DCAF7: variants seen among roughly 807,000 people sequenced by gnomAD.
DCAF7 encodes the protein DDB1- and CUL4-associated factor 7.
DCAF7 carries 4 observed loss-of-function variants against 41.2 expected under a neutral mutation model. The ratio of observed to expected loss-of-function variants is 0.10; its 90% CI spans 0.05 to 0.22. The LOEUF (loss-of-function observed/expected upper bound fraction) is 0.22. Among genes scored for constraint, DCAF7 ranks in the 10% least tolerant of loss-of-function variants. The pLI, the probability that DCAF7 is intolerant of heterozygous loss-of-function variation, is 1.00. For synonymous variants in DCAF7, 143 were observed against 164.2 expected (o/e 0.87, Z 0.99); for missense variants, 131 against 443.2 (o/e 0.30, Z 6.32).
rs2033733833 is a variant in DCAF7, at chr17:63,591,559, A to C, written c.*2387A>C. The C allele has an allele frequency of 2.6e-5, 4 of 152,078 alleles. No individual in the cohort carries two copies. The allele number at this position is 152,078 out of a possible 1,614,324, so 9.4% of individuals were successfully genotyped here. A position where few individuals can be genotyped will look rare whatever the true frequency, so the allele number is the denominator to read the frequency against. ...GCAAGCACACACATACTCACAGTTG[A>C]TGAGTTGCTGGTCTTTGAGTCCCAG... On this transcript the variant is annotated 3_prime_UTR_variant, in exon 7 of 7. Transcript: ENST00000614556.
intron 4 of DCAF7, among the ~76,000 whole-genome samples, chr17:63,580,818 G>A (rs1004303430): frequency 1.3e-5 from 2 of 152,156 alleles, no homozygotes; most frequent in East Asian, 1.9e-4. Flanking sequence ...CACTGCGCCC[G>A]GCCAATTGCA....
rs575934751 is a variant in DCAF7, at chr17:63,580,814, G to A, written c.528+871G>A. On this transcript the variant is annotated intron_variant, in intron 4 of 6. Transcript: ENST00000614556. ...TGGGATTACAGGCGTGAGCCACTGCGCCCGGCCAATTGCATTTTAATCAAA... is the reference window on the plus strand; with the variant it reads ...TGGGATTACAGGCGTGAGCCACTGCACCCGGCCAATTGCATTTTAATCAAA... 1.1e-4 allele frequency among the ~76,000 whole-genome samples: 16 copies of A among 152,122 alleles called. No homozygotes were observed. In the South Asian group the frequency reaches 2.5e-3, roughly 24 times the overall value.
Position 63,593,414 on chromosome 17 carries a change from G to A in DCAF7, c.*4242G>A. On this transcript the variant is annotated 3_prime_UTR_variant, in exon 7 of 7. Transcript: ENST00000614556. ...GGTCCTCTCAGGCTACTTTCTGGAT[G>A]TCATTTTTAAAATATGGAAACATGC... 1 of 152,672 alleles carries A rather than the reference G, an allele frequency of 6.5e-6. No homozygotes were observed. Among genetic ancestry groups the A allele is most frequent in the East Asian group, 1.9e-4 (1 of 5,202 alleles). The allele number at this position is 152,672 out of a possible 1,614,324, so 9.5% of individuals were successfully genotyped here.
intron 1 of DCAF7, among the ~76,000 whole-genome samples, chr17:63,553,445 GAAGT>G (rs1325319676): frequency 6.6e-6 from 1 of 152,236 alleles, no homozygotes; most frequent in Non-Finnish European, 1.5e-5. Context: ...CTGCGAGAGA[GAAGT>G]ATGTGTAGTG....
intron 1 of DCAF7, among the ~76,000 whole-genome samples, chr17:63,571,556 G>T (rs1452583890): frequency 6.6e-6 from 1 of 151,972 alleles, no homozygotes; most frequent in Non-Finnish European, 1.5e-5. Flanking sequence ...TTTTTATAAA[G>T]AAGAAGTTTT....
At chr17:63,572,911 C>T (rs778096398) in intron 1 of DCAF7, among the ~76,000 whole-genome samples, 31 of 152,116 alleles carry the variant, frequency 2.0e-4, no homozygotes, top group Non-Finnish European at 3.5e-4. Flanking sequence ...TACAGGCATG[C>T]GCTACCACAC....
chr17:63,589,907 T>A lies in DCAF7; in HGVS notation c.*735T>A, dbSNP rs1039940389. 5 of 153,006 alleles carry A rather than the reference T, an allele frequency of 3.3e-5. No homozygotes were observed. The highest frequency in any genetic ancestry group is 1.2e-4 in the African/African-American group (5 of 41,448). The allele number at this position is 153,006 out of a possible 1,614,324, so 9.5% of individuals were successfully genotyped here. A position where few individuals can be genotyped will look rare whatever the true frequency, so the allele number is the denominator to read the frequency against. Reference sequence around the variant, plus strand: ...ATCACACCTTTCTTAGCCTGGCTCCTCTCAAGGGCATTCTGGGCTTGTAAA... The same window carrying A: ...ATCACACCTTTCTTAGCCTGGCTCCACTCAAGGGCATTCTGGGCTTGTAAA... On this transcript the variant is annotated 3_prime_UTR_variant, in exon 7 of 7. Coordinates refer to ENST00000614556, the MANE Select transcript of DCAF7 (RefSeq NM_005828.5).
At position 63,589,816 on chromosome 17, in the gene DCAF7, C is replaced by G. The variant is rs992637815; in HGVS notation, c.*644C>G. On this transcript the variant is annotated 3_prime_UTR_variant, in exon 7 of 7. Coordinates refer to ENST00000614556, the MANE Select transcript of DCAF7 (RefSeq NM_005828.5). ...ATGAGCAGTTTGCCTTCTTGAGTCACTGCCTGTGTAGTACATACCTGACCG... is the reference window on the plus strand; with the variant it reads ...ATGAGCAGTTTGCCTTCTTGAGTCAGTGCCTGTGTAGTACATACCTGACCG... 6.1e-6 allele frequency: 1 copy of G among 164,230 alleles called. No individual in the cohort carries two copies. Among genetic ancestry groups the G allele is most frequent in the Non-Finnish European group, 1.3e-5 (1 of 75,282 alleles). The allele number at this position is 164,230 out of a possible 1,614,324, so 10.2% of individuals were successfully genotyped here.
rs778766031 is a variant in DCAF7 at position 63,579,878 on chromosome 17, G to A, written c.463G>A (p.Val155Met). The A allele has an allele frequency of 1.2e-6, 2 of 1,613,966 alleles. No homozygotes were observed. The highest frequency in any genetic ancestry group is 1.7e-6 in the Non-Finnish European group (2 of 1,179,862). ...CTIWGLETGQ[V>M]LGRVNLVSGH... ...CATCTGGGGGCTGGAGACAGGGCAGGTGTTAGGGCGAGTGAATCTCGTGTC... is the reference window on the plus strand; with the variant it reads ...CATCTGGGGGCTGGAGACAGGGCAGATGTTAGGGCGAGTGAATCTCGTGTC... Residue 155 changes from valine to methionine, a missense_variant, in exon 4 of 7, where the codon GTG becomes ATG. Physicochemically the swap from Val to Met is conservative, Grantham distance 21 (BLOSUM62 1). Transcript: ENST00000614556.
chr17:63,589,197 G>A lies in DCAF7; in HGVS notation c.*25G>A, dbSNP rs770993671. ...GTGTTGGTGGCGCTGTGCCCACGAG[G>A]CAGGGGCTTTTGTATTTCCTGCCTC... is the stretch of plus-strand genomic sequence containing the variant. On this transcript the variant is annotated 3_prime_UTR_variant, in exon 7 of 7. Transcript: ENST00000614556. The A allele has an allele frequency of 6.2e-7, 1 of 1,610,440 alleles. No homozygotes were observed. Among genetic ancestry groups the A allele is most frequent in the Non-Finnish European group, 8.5e-7 (1 of 1,178,964 alleles).
intron 1 of DCAF7, among the ~76,000 whole-genome samples, chr17:63,563,953 T>TGTCC (rs1333395292): frequency 6.6e-6 from 1 of 152,184 alleles, no homozygotes; most frequent in East Asian, 1.9e-4. Flanking sequence ...CTCTGAGGGA[T>TGTCC]GTCCATTATT....
At chr17:63,588,189 A>AATTTTTTTTTTTTTTTTTTT (rs2033697418) in intron 6 of DCAF7, among the ~76,000 whole-genome samples, 1 of 120,262 alleles carries the variant, frequency 8.3e-6, no homozygotes, top group African/African-American at 3.9e-5. Context: ...ATTTTCTTGG[A>AATTTTTTTTTTTTTTTTTTT]TTTTTTTTTT....
At position 63,579,810 on chromosome 17, in the gene DCAF7, A is replaced by C; in HGVS notation, c.410-15A>C. 6.2e-7 allele frequency: 1 copy of C among 1,609,036 alleles called. No homozygotes were observed. Among genetic ancestry groups the C allele is most frequent in the Non-Finnish European group, 8.5e-7 (1 of 1,175,670 alleles). ...CTTGGTCCCGTCAGCCCTGACTTGC[A>C]CTGGTTGTTTGCAGGTACCTCAAGC... is the stretch of plus-strand genomic sequence containing the variant. On this transcript the variant is annotated splice_polypyrimidine_tract_variant and intron_variant, in intron 3 of 6. Transcript: ENST00000614556.
At chr17:63,565,867 T>C in intron 1 of DCAF7, among the ~76,000 whole-genome samples, 1 of 152,062 alleles carries the variant, frequency 6.6e-6, no homozygotes, top group East Asian at 1.9e-4. Context: ...TTGGAAGGCC[T>C]AGGTAGGCAA....
Position 63,550,597 on chromosome 17 carries a change from G to C in DCAF7, c.-81G>C. 6.4e-7 allele frequency: 1 copy of C among 1,573,576 alleles called. No individual in the cohort carries two copies. Among genetic ancestry groups the C allele is most frequent in the Non-Finnish European group, 8.6e-7 (1 of 1,158,382 alleles). On this transcript the variant is annotated 5_prime_UTR_variant, in exon 1 of 7. Coordinates refer to ENST00000614556, the MANE Select transcript of DCAF7 (RefSeq NM_005828.5). This position sits in a 1 kb window ranked among gnomAD's most constrained non-coding sequence, Gnocchi z 4.8. Reference sequence around the variant, plus strand: ...GCCCGCCCCCTCCTCTCCTCCCTTCGGACCCATAGATCTCAGGCTCGGCTC... The same window carrying C: ...GCCCGCCCCCTCCTCTCCTCCCTTCCGACCCATAGATCTCAGGCTCGGCTC...
intron 4 of DCAF7, among the ~76,000 whole-genome samples, chr17:63,580,417 T>C (rs894712277): frequency 6.6e-6 from 1 of 151,916 alleles, no homozygotes; most frequent in Non-Finnish European, 1.5e-5. Context: ...CTTTCATTAC[T>C]GTTGGCAGTG....
chr17:63,563,920 A>T (rs1262180396), intron 1 of DCAF7, among the ~76,000 whole-genome samples: 1 of 152,206 alleles, frequency 6.6e-6, no homozygotes, highest in Non-Finnish European at 1.5e-5. Context: ...TAGATTAAAA[A>T]AATGATTTGG....
In DCAF7 at chr17:63,593,923, T is replaced by C. The variant is rs2147782973; in HGVS notation, c.*4751T>C. 1.3e-5 allele frequency: 2 copies of C among 152,782 alleles called. 1 individual carries two copies. The highest frequency in any genetic ancestry group is 2.9e-5 in the Non-Finnish European group (2 of 68,034). 9.5% of individuals were successfully genotyped at this position (152,782 alleles called of 1,614,324 possible). A position where few individuals can be genotyped will look rare whatever the true frequency, so the allele number is the denominator to read the frequency against. On this transcript the variant is annotated 3_prime_UTR_variant, in exon 7 of 7. Coordinates refer to ENST00000614556, the MANE Select transcript of DCAF7 (RefSeq NM_005828.5). Reference sequence around the variant, plus strand: ...TCTTGTTATATATTTAAACTTTCCCTCTATATTATAGGTTTTGTGGCATCC... The same window carrying C: ...TCTTGTTATATATTTAAACTTTCCCCCTATATTATAGGTTTTGTGGCATCC...
At chr17:63,582,983 C>G (rs1225697574) in intron 4 of DCAF7, among the ~76,000 whole-genome samples, 1 of 152,172 alleles carries the variant, frequency 6.6e-6, no homozygotes, top group Non-Finnish European at 1.5e-5. Flanking sequence ...TCTAGGCCTC[C>G]CGTGACTCAA....
Sources: allele counts gnomAD v4.1 joint callset (sites outside exome capture counted in the v4.1 genomes callset), GRCh38; gene constraint gnomAD v4.1.1; non-coding constraint Gnocchi (gnomAD v3.1); transcripts MANE v1.5; gene names NCBI Gene and HGNC (gene_info 2026-07-23, HGNC 2026-07-21).